The following POU2AF1 variants were observed in gnomAD, a reference collection of about 807,000 sequenced individuals.
POU2AF1 encodes the protein POU domain class 2-associating factor 1.
Under a neutral mutation model 26.3 loss-of-function variants are expected in POU2AF1, and 12 were observed. The observed-to-expected ratio is 0.46, with a 90% CI of 0.29 to 0.74. The LOEUF is 0.74. Among genes scored for constraint, POU2AF1 ranks in the 30% least tolerant of loss-of-function variants. The probability of loss-of-function intolerance (pLI) is 0.09; values close to 1 mark genes in which losing one functional copy is unlikely to be tolerated. For missense variants in POU2AF1, 297 were observed against 334.5 expected (o/e 0.89, Z 0.87); for synonymous variants, 175 against 148.0 (o/e 1.18, Z -1.32).
chr11:111,365,396 C>T (rs549848000), intron 1 of POU2AF1, among the ~76,000 whole-genome samples: 4 of 152,154 alleles, frequency 2.6e-5, no homozygotes, highest in Non-Finnish European at 2.9e-5. Flanking sequence ...ACCTTGTAGC[C>T]GTACAAGGCC....
intron 1 of POU2AF1, among the ~76,000 whole-genome samples, chr11:111,372,009 C>A: frequency 6.7e-6 from 1 of 150,354 alleles, no homozygotes; most frequent in Non-Finnish European, 1.5e-5. Context: ...CTCTCCACAC[C>A]CCACCTAAAC....
At chr11:111,358,382 ACACACACTCC>A (rs1565360647) in intron 2 of POU2AF1, among the ~76,000 whole-genome samples, 22 of 77,780 alleles carry the variant, frequency 2.8e-4, no homozygotes, top group South Asian at 8.1e-4. Flanking sequence ...ACACTCTCTC[ACACACACTCC>A]CTCACACACA....
At chr11:111,358,658 T>A (rs1194020774) in intron 2 of POU2AF1, 130 bp downstream of exon 2, 3 of 1,134,440 alleles carry the variant, frequency 2.6e-6, no homozygotes, top group East Asian at 2.6e-5. Flanking sequence ...TCTCACACAC[T>A]CTATCACACA....
chr11:111,367,741 G>C (rs574370034), intron 1 of POU2AF1, among the ~76,000 whole-genome samples: 20 of 152,314 alleles, frequency 1.3e-4, no homozygotes, highest in Admixed American at 5.9e-4. Context: ...GTGTTGCCCA[G>C]CCAAGAGAGG....
At chr11:111,372,087 G>A (rs914943807) in intron 1 of POU2AF1, among the ~76,000 whole-genome samples, 2 of 149,820 alleles carry the variant, frequency 1.3e-5, no homozygotes, top group East Asian at 3.9e-4. Flanking sequence ...GAGAGAGAGA[G>A]AGATGAAGGA....
At chr11:111,363,358 C>T (rs1861047269) in intron 1 of POU2AF1, 10 of 1,021,804 alleles carry the variant, frequency 9.8e-6, no homozygotes, top group Non-Finnish European at 1.2e-5. Context: ...TCTGAAGCTT[C>T]AAGACGATTC....
intron 1 of POU2AF1, among the ~76,000 whole-genome samples, chr11:111,364,810 C>A (rs1467651676): frequency 6.6e-6 from 1 of 152,224 alleles, no homozygotes; most frequent in Non-Finnish European, 1.5e-5. Flanking sequence ...AGCAAGGCAG[C>A]ACCACAGTGA....
chr11:111,372,061 C>CAGAGAG (rs1324127111), intron 1 of POU2AF1, among the ~76,000 whole-genome samples: 19 of 144,160 alleles, frequency 1.3e-4, no homozygotes, highest in African/African-American at 4.3e-4. Context: ...CACACACACA[C>CAGAGAG]ACACACACAG....
At chr11:111,372,709 C>A (rs1861236339) in intron 1 of POU2AF1, among the ~76,000 whole-genome samples, 1 of 152,178 alleles carries the variant, frequency 6.6e-6, no homozygotes, top group Admixed American at 6.5e-5. Flanking sequence ...GCAGTTGTTA[C>A]ACTCAACATC....
intron 1 of POU2AF1, among the ~76,000 whole-genome samples, chr11:111,378,934 C>T (rs1222494596): frequency 6.6e-6 from 1 of 152,190 alleles, no homozygotes; most frequent in African/African-American, 2.4e-5. Context: ...AACACTAGTT[C>T]GTTCCCCTCC....
At chr11:111,378,163 T>C (rs1861345354) in intron 1 of POU2AF1, among the ~76,000 whole-genome samples, 1 of 152,248 alleles carries the variant, frequency 6.6e-6, no homozygotes, top group Non-Finnish European at 1.5e-5. Context: ...TCCAATCAAG[T>C]ATCTTTCCAT....
At chr11:111,356,119 T>A (rs926860152) in intron 4 of POU2AF1, among the ~76,000 whole-genome samples, 1 of 152,240 alleles carries the variant, frequency 6.6e-6, no homozygotes, top group African/African-American at 2.4e-5. Context: ...TAATGAATAC[T>A]GTTTGTTTGA....
chr11:111,371,119 G>C (rs545562409), intron 1 of POU2AF1, among the ~76,000 whole-genome samples: 1 of 152,266 alleles, frequency 6.6e-6, no homozygotes, highest in East Asian at 1.9e-4. Flanking sequence ...GTCCTGGAAA[G>C]TTTTAACAAT....
rs576544921 is a variant in POU2AF1, at chr11:111,354,555, G to C, written c.477C>G (p.Pro159=). 6.5e-7 allele frequency: 1 copy of C among 1,534,682 alleles called. No individual in the cohort carries two copies. The highest frequency in any genetic ancestry group is 1.4e-5 in the African/African-American group (1 of 71,796). Residue 159 remains proline, a synonymous_variant, in exon 5 of 5, where the codon CCC becomes CCG. Transcript: ENST00000393067. ...GGCCCTCCAGCGGGGGCCCCACTGC[G>C]GGCGTGGCGGAGCTTCTTGTCTGTG... ...TNVTTRSSAT[P]AVGPPLEGPE...
chr11:111,354,601 G>A (rs780861977), intron 4 of POU2AF1, 26 bp from the exon 5 acceptor site: 2 of 1,490,488 alleles, frequency 1.3e-6, no homozygotes, highest in East Asian at 2.3e-5. Context: ...ACGTGACAGA[G>A]GGTTAGCAGC....
At chr11:111,365,016 G>A (rs1026184059) in intron 1 of POU2AF1, among the ~76,000 whole-genome samples, 1 of 152,196 alleles carries the variant, frequency 6.6e-6, no homozygotes, top group Non-Finnish European at 1.5e-5. Flanking sequence ...ACCAAAGACA[G>A]CCTTATGAAA....
At chr11:111,364,970 C>T (rs1861077641) in intron 1 of POU2AF1, among the ~76,000 whole-genome samples, 1 of 152,180 alleles carries the variant, frequency 6.6e-6, no homozygotes, top group East Asian at 1.9e-4. Flanking sequence ...TTGTTTGTTC[C>T]TTGATTTAAG....
intron 1 of POU2AF1, among the ~76,000 whole-genome samples, chr11:111,374,430 T>G (rs1303201338): frequency 6.6e-6 from 1 of 152,150 alleles, no homozygotes; most frequent in Non-Finnish European, 1.5e-5. Context: ...GGCGTGGTGG[T>G]TCACACCTGT....
chr11:111,374,112 C>G (rs972558070), intron 1 of POU2AF1, among the ~76,000 whole-genome samples: 1 of 79,874 alleles, frequency 1.3e-5, no homozygotes, highest in African/African-American at 4.2e-5. Context: ...TGTAGGCAAA[C>G]TTGATTTTTT....
Sources: allele counts gnomAD v4.1 joint callset (sites outside exome capture counted in the v4.1 genomes callset), GRCh38; gene constraint gnomAD v4.1.1; transcripts MANE v1.5; gene names NCBI Gene and HGNC (gene_info 2026-07-23, HGNC 2026-07-21).